The following HIRA variants were observed in gnomAD, a reference collection of about 807,000 sequenced individuals.
The protein encoded by HIRA is protein HIRA.
In HIRA, 13 loss-of-function variants were observed where a neutral mutation model predicts 126.6. The observed-to-expected ratio is 0.10, with a 90% CI of 0.07 to 0.16. The LOEUF (loss-of-function observed/expected upper bound fraction) is 0.16, where lower values mean the gene tolerates loss of function less well. HIRA is among the 10% of genes least tolerant of loss of function. The pLI is 1.00. For missense variants in HIRA, 834 were observed against 1,314.4 expected, an observed-to-expected ratio of 0.63 and a Z score of 5.65; for synonymous variants, 511 against 520.0, an observed-to-expected ratio of 0.98 and a Z score of 0.24.
At chr22:19,363,253 CA>C (rs1261165844) in intron 15 of HIRA, among the ~76,000 whole-genome samples, 24 of 148,624 alleles carry the variant, frequency 1.6e-4, no homozygotes, top group Non-Finnish European at 3.1e-4. Flanking sequence ...ACAAAAAAAA[CA>C]AAAAAAAGAA....
At chr22:19,388,302 A>G (rs1328415000) in intron 10 of HIRA, among the ~76,000 whole-genome samples, 182 bp downstream of exon 10, 1 of 152,204 alleles carries the variant, frequency 6.6e-6, no homozygotes, top group Non-Finnish European at 1.5e-5. Context: ...ACATTCTCGC[A>G]GCAGCAGGTA....
At chr22:19,410,426 G>A (rs543032834) in intron 2 of HIRA, among the ~76,000 whole-genome samples, 43 of 152,246 alleles carry the variant, frequency 2.8e-4, no homozygotes, top group Admixed American at 2.0e-3. Flanking sequence ...ACCACCTACC[G>A]CTCTCGATGC....
Position 19,342,845 on chromosome 22 carries a change from C to G in HIRA, c.2937+8513G>C, listed in dbSNP as rs555507654. ...GCAACTGCAAAAATACGGAACCAGT[C>G]TAAATGCCCATCAACCAATGAGTGG... On this transcript the variant is annotated intron_variant, in intron 24 of 24. Coordinates refer to ENST00000263208, the MANE Select transcript of HIRA (RefSeq NM_003325.4). Among the ~76,000 whole-genome samples, 6 of 152,316 alleles carry G rather than the reference C, an allele frequency of 3.9e-5. No homozygotes were observed. In the East Asian group the frequency reaches 1.2e-3, roughly 29 times the overall value.
At chr22:19,400,371 C>A (rs1053694511) in intron 5 of HIRA, among the ~76,000 whole-genome samples, 1 of 152,150 alleles carries the variant, frequency 6.6e-6, no homozygotes, top group Non-Finnish European at 1.5e-5. Flanking sequence ...AGTTACTATG[C>A]TCCATGTGAG....
At chr22:19,410,929 A>G (rs567277269) in intron 1 of HIRA, 151 bp from the exon 2 acceptor site, 6 of 692,024 alleles carry the variant, frequency 8.7e-6, no homozygotes, top group Admixed American at 2.5e-5. Context: ...AAAGCATTCC[A>G]TCACTGAGAA....
chr22:19,398,196 T>G (rs2089238782), intron 5 of HIRA, 109 bp from the exon 6 acceptor site: 3 of 745,912 alleles, frequency 4.0e-6, no homozygotes, highest in East Asian at 2.8e-5. Context: ...ACTCTGGTAT[T>G]TTTTAACCAA....
chr22:19,335,696 C>CG (rs1254208914), intron 24 of HIRA, among the ~76,000 whole-genome samples: 3 of 152,048 alleles, frequency 2.0e-5, no homozygotes, highest in South Asian at 4.1e-4. Context: ...AATAGCCCCC[C>CG]CTATTTTTCC....
intron 1 of HIRA, among the ~76,000 whole-genome samples, chr22:19,426,885 A>T (rs1475447569): frequency 6.6e-6 from 1 of 152,210 alleles, no homozygotes; most frequent in African/African-American, 2.4e-5. Context: ...TGAGGCAAGA[A>T]TTACTGACTT....
rs140147497 is a variant in HIRA at position 19,398,714 on chromosome 22, C to T, written c.398-627G>A. Reference sequence around the variant, plus strand: ...AATCTAGGCCAGGTGCAGGGACTCACGTCTGTAATCTCAGCATTTTGGGAG... The same window carrying T: ...AATCTAGGCCAGGTGCAGGGACTCATGTCTGTAATCTCAGCATTTTGGGAG... On this transcript the variant is annotated intron_variant, in intron 5 of 24. Transcript: ENST00000263208. Among the ~76,000 whole-genome samples, 454 of 152,286 alleles carry T rather than the reference C, an allele frequency of 3.0e-3. 3 individuals are homozygous for T. Among genetic ancestry groups the T allele is most frequent in the Non-Finnish European group, 3.6e-3 (248 of 68,024 alleles).
At chr22:19,409,355 C>G (rs1380161100) in intron 2 of HIRA, among the ~76,000 whole-genome samples, 2 of 151,752 alleles carry the variant, frequency 1.3e-5, no homozygotes, top group African/African-American at 4.8e-5. Flanking sequence ...ACGATCTCGG[C>G]TCACTGCAAC....
rs1453653964 is a variant in HIRA at position 19,385,739 on chromosome 22, G to C, written c.1114-3C>G. The C allele has an allele frequency of 1.2e-6, 2 of 1,611,692 alleles. No homozygotes were observed. Among genetic ancestry groups the C allele is most frequent in the African/African-American group, 1.3e-5 (1 of 75,018 alleles). ...TAGGTGGACTGGTGAATGCGGCTCT[G>C]GGGAAGCAAGGAGAGGCATGACATG... On this transcript the variant is annotated splice_region_variant and splice_polypyrimidine_tract_variant and intron_variant, in intron 11 of 24. Transcript: ENST00000263208.
At chr22:19,424,917 A>G (rs912389160) in intron 1 of HIRA, among the ~76,000 whole-genome samples, 8 of 152,274 alleles carry the variant, frequency 5.3e-5, no homozygotes, top group South Asian at 2.1e-4. Flanking sequence ...CTCTCCTGTC[A>G]TCAGTGTCGG....
At chr22:19,334,436 A>G (rs2088538364) in intron 24 of HIRA, among the ~76,000 whole-genome samples, 1 of 150,980 alleles carries the variant, frequency 6.6e-6, no homozygotes, top group African/African-American at 2.4e-5. Context: ...AGATCGCTTG[A>G]GGCCAGGAGT....
chr22:19,354,490 C>T (rs2088791181), intron 21 of HIRA, among the ~76,000 whole-genome samples: 1 of 152,190 alleles, frequency 6.6e-6, no homozygotes, highest in African/African-American at 2.4e-5. Context: ...TGGCCTGGGC[C>T]CTGTAGCTAG....
chr22:19,353,342 G>T lies in HIRA; in HGVS notation c.2848+14C>A, dbSNP rs1569292547. The T allele has an allele frequency of 6.2e-7, 1 of 1,612,338 alleles. No homozygotes were observed. The highest frequency in any genetic ancestry group is 2.1e-4 in the Middle Eastern group (1 of 4,766). ...CAGAAGGAGAAGGCTGCTCAGGGCT[G>T]CCAGGAGCCTCACCTTCGTTTACGA... On this transcript the variant is annotated intron_variant, in intron 23 of 24. Coordinates refer to ENST00000263208, the MANE Select transcript of HIRA (RefSeq NM_003325.4).
intron 24 of HIRA, among the ~76,000 whole-genome samples, chr22:19,346,424 G>T (rs2088687539): frequency 6.6e-6 from 1 of 152,198 alleles, no homozygotes; most frequent in South Asian, 2.1e-4. Flanking sequence ...CATCTCCTCT[G>T]CCCCAACATC....
At chr22:19,430,228 AAC>A in intron 1 of HIRA, 1 of 152,336 alleles carries the variant, frequency 6.6e-6, no homozygotes, top group Non-Finnish European at 1.5e-5. Flanking sequence ...TGCCAGGCAA[AAC>A]ACACAGACAG....
chr22:19,385,468 C>G (rs1437102022), intron 12 of HIRA, 53 bp downstream of exon 12: 1 of 1,542,790 alleles, frequency 6.5e-7, no homozygotes, highest in Non-Finnish European at 8.9e-7. Flanking sequence ...TGCCCCTCAC[C>G]CTGTCCCTGG....
Position 19,385,804 on chromosome 22 carries a change from A to T in HIRA, c.1114-68T>A. ...AGTGTGGCCAGTGCTGCCCACCAGC[A>T]GGCAAACTACAGCAGGGCTCTCCTG... On this transcript the variant is annotated intron_variant, in intron 11 of 24. Coordinates refer to ENST00000263208, the MANE Select transcript of HIRA (RefSeq NM_003325.4). 1.2e-5 allele frequency: 18 copies of T among 1,457,376 alleles called. No individual in the cohort carries two copies. The South Asian group carries it at 2.0e-4, about 17-fold the overall frequency. The allele number at this position is 1,457,376 out of a possible 1,614,324, so 90.3% of individuals were successfully genotyped here. A position where few individuals can be genotyped will look rare whatever the true frequency, so the allele number is the denominator to read the frequency against.
Sources: gnomAD v4.1 joint callset for allele counts (sites outside exome capture counted in the v4.1 genomes callset) on GRCh38, gnomAD v4.1.1 for gene constraint, MANE v1.5 for transcripts, NCBI Gene and HGNC (gene_info 2026-07-23, HGNC 2026-07-21) for gene names.